Variants in WRAP73 observed in about 807,000 individuals in gnomAD.
WRAP73 encodes the protein WD repeat containing, antisense to TP73, also known as WD repeat-containing protein WRAP73.
A neutral mutation model predicts 59.6 loss-of-function variants in WRAP73; 55 were observed. The ratio of observed to expected loss-of-function variants is 0.92; its 90% CI spans 0.74 to 1.15. The LOEUF (loss-of-function observed/expected upper bound fraction) is 1.15, where lower values mean the gene tolerates loss of function less well. Ranked by LOEUF, WRAP73 falls within the 50% of genes most tolerant of loss-of-function variation. WRAP73 has a pLI of 0.00. For missense variants in WRAP73, 592 were observed against 608.1 expected, an observed-to-expected ratio of 0.97 and a Z score of 0.28; for synonymous variants, 265 against 258.2, an observed-to-expected ratio of 1.03 and a Z score of -0.25.
chr1:3,632,265 G>A lies in WRAP73; in HGVS notation c.996C>T (p.Gly332=). Residue 332 remains glycine, a synonymous_variant, in exon 10 of 12, where the codon GGC becomes GGT. Transcript: ENST00000270708. ...CAGGACTAAATGCCAGCATTCCTAT[G>A]CCGATTTTCGGGTTTGCTCTGTCGG... ...PVTDRANPKI[G]IGMLAFSPDS... is the part of the protein sequence containing the mutation. 1 of 1,614,156 alleles carries A rather than the reference G, an allele frequency of 6.2e-7. No individual in the cohort carries two copies. Among genetic ancestry groups the A allele is most frequent in the Non-Finnish European group, 8.5e-7 (1 of 1,180,018 alleles).
At chr1:3,649,697 C>A (rs1162560028) in intron 1 of WRAP73, among the ~76,000 whole-genome samples, 1 of 151,902 alleles carries the variant, frequency 6.6e-6, no homozygotes, top group Non-Finnish European at 1.5e-5. Context: ...GCTTGGGGCA[C>A]CTCCCCGGGC....
Position 3,646,770 on chromosome 1 carries a change from C to A in WRAP73, c.235G>T (p.Glu79Ter). 1 of 1,612,310 alleles carries A rather than the reference C, an allele frequency of 6.2e-7. No homozygotes were observed. Among genetic ancestry groups the A allele is most frequent in the South Asian group, 1.1e-5 (1 of 90,946 alleles). Reference sequence around the variant, plus strand: ...ATTTTGCAGTGCCATTCGGGCTGCTCTAAAGACCAGACCTGGATTGAGAGA... The same window carrying A: ...ATTTTGCAGTGCCATTCGGGCTGCTATAAAGACCAGACCTGGATTGAGAGA... ...KRGLVQVWSLEQPEWHCKIDE... is the reference protein window; with the variant it reads ...KRGLVQVWSL The change falls in exon 3 of 12, where the codon GAG (glutamate) becomes TAG (stop). Residue 79 changes from glutamate to a stop codon, truncating the protein, a stop_gained. Transcript: ENST00000270708. LOFTEE classifies it high-confidence loss of function. This position sits in a 1 kb window ranked among gnomAD's most constrained non-coding sequence, Gnocchi z 5.1.
chr1:3,649,695 C>T (rs1644722573), intron 1 of WRAP73, among the ~76,000 whole-genome samples: 1 of 151,210 alleles, frequency 6.6e-6, no homozygotes, highest in Non-Finnish European at 1.5e-5. Flanking sequence ...CTGCTTGGGG[C>T]ACCTCCCCGG....
chr1:3,633,544 A>T, intron 8 of WRAP73, 41 bp from the exon 9 acceptor site: 1 of 1,493,158 alleles, frequency 6.7e-7, no homozygotes, highest in Non-Finnish European at 9.0e-7. Flanking sequence ...CAGGACAGGG[A>T]CCCGGAAGCC....
intron 1 of WRAP73, among the ~76,000 whole-genome samples, chr1:3,648,837 C>A (rs1437485890): frequency 1.3e-5 from 2 of 152,184 alleles, no homozygotes; most frequent in Admixed American, 1.3e-4. Flanking sequence ...TGAAAATATA[C>A]CAAGGCTGAG....
intron 3 of WRAP73, among the ~76,000 whole-genome samples, chr1:3,643,082 G>A (rs187063707): frequency 6.0e-4 from 91 of 152,376 alleles, no homozygotes; most frequent in Middle Eastern, 6.8e-3. Flanking sequence ...CAGCCACACC[G>A]TCCGTGGTGA....
Position 3,635,934 on chromosome 1 carries a change from A to G in WRAP73, c.603+10T>C, listed in dbSNP as rs754142057. The G allele has an allele frequency of 1.9e-6, 3 of 1,612,510 alleles. No homozygotes were observed. Among genetic ancestry groups the G allele is most frequent in the Non-Finnish European group, 2.5e-6 (3 of 1,178,876 alleles). ...TCGAAAGCAAACATGTCACCTGGTCATCTTCATACCTCCAAGCAGGTGTCC... is the reference window on the plus strand; with the variant it reads ...TCGAAAGCAAACATGTCACCTGGTCGTCTTCATACCTCCAAGCAGGTGTCC... On this transcript the variant is annotated intron_variant, in intron 6 of 11. Coordinates refer to ENST00000270708, the MANE Select transcript of WRAP73 (RefSeq NM_017818.4).
chr1:3,633,289 G>A (rs1644556460), intron 9 of WRAP73, 109 bp downstream of exon 9: 1 of 1,115,514 alleles, frequency 9.0e-7, no homozygotes, highest in Non-Finnish European at 1.3e-6. Context: ...AGCATGGAAG[G>A]GAAAAAAAGT....
In WRAP73 at chr1:3,635,799, T is replaced by A. The variant is rs1570297046; in HGVS notation, c.603+145A>T. On this transcript the variant is annotated intron_variant, in intron 6 of 11. Transcript: ENST00000270708. ...TCACACCACTGCACTCCAGCCTGGG[T>A]GACAGAGCAAGACCCTGTCTTTTAA... 4 of 706,878 alleles carry A rather than the reference T, an allele frequency of 5.7e-6. No homozygotes were observed. In the East Asian group the frequency reaches 1.1e-4, roughly 20 times the overall value. 43.8% of individuals were successfully genotyped at this position (706,878 alleles called of 1,614,324 possible). A position where few individuals can be genotyped will look rare whatever the true frequency, so the allele number is the denominator to read the frequency against.
rs900587541 is a variant in WRAP73 at position 3,633,651 on chromosome 1, G to A, written c.817-148C>T. On this transcript the variant is annotated intron_variant, in intron 8 of 11. Transcript: ENST00000270708. Reference sequence around the variant, plus strand: ...CTGCCACCGGGAGAGACGGAAGCACGAACCCCGCAGTCCCGAGAGCTGAGA... The same window carrying A: ...CTGCCACCGGGAGAGACGGAAGCACAAACCCCGCAGTCCCGAGAGCTGAGA... 32 of 631,726 alleles carry A rather than the reference G, an allele frequency of 5.1e-5. No homozygotes were observed. In the Middle Eastern group the frequency reaches 2.2e-3, roughly 43 times the overall value. The allele number at this position is 631,726 out of a possible 1,614,324, so 39.1% of individuals were successfully genotyped here.
intron 5 of WRAP73, chr1:3,636,553 A>G: frequency 2.9e-6 from 1 of 340,922 alleles, no homozygotes; most frequent in East Asian, 8.1e-5. Context: ...ACAGCATTCC[A>G]GAGGTTGCTC....
intron 1 of WRAP73, among the ~76,000 whole-genome samples, chr1:3,649,239 A>G (rs1242308116): frequency 1.3e-5 from 2 of 152,240 alleles, no homozygotes; most frequent in Non-Finnish European, 2.9e-5. Flanking sequence ...CTGTGATTTA[A>G]GCACCCTTCT....
intron 3 of WRAP73, among the ~76,000 whole-genome samples, chr1:3,643,491 A>C (rs1456625673): frequency 6.6e-6 from 1 of 152,240 alleles, no homozygotes; most frequent in African/African-American, 2.4e-5. Context: ...AAAATGCAAG[A>C]GGCAGGGACG....
Position 3,644,827 on chromosome 1 carries a change from A to G in WRAP73, c.339+1839T>C, listed in dbSNP as rs1198837829. On this transcript the variant is annotated intron_variant, in intron 3 of 11. Transcript: ENST00000270708. ...TTTTATCCATCTTTTAAGGTTTCTA[A>G]ACTCTATAGATGGTAGTTTTCCTTC... 3.3e-5 allele frequency among the ~76,000 whole-genome samples: 5 copies of G among 152,184 alleles called. No individual in the cohort carries two copies. In the South Asian group the frequency reaches 1.0e-3, roughly 32 times the overall value.
At chr1:3,641,429 C>T (rs12084349) in intron 3 of WRAP73, among the ~76,000 whole-genome samples, 74 of 152,282 alleles carry the variant, frequency 4.9e-4, no homozygotes, top group African/African-American at 1.7e-3. Context: ...GATGGAGGAA[C>T]GGGCCACTGA....
chr1:3,632,740 G>C, intron 9 of WRAP73: 1 of 290,088 alleles, frequency 3.4e-6, no homozygotes, highest in Non-Finnish European at 6.7e-6. Flanking sequence ...TCCGGCTGTG[G>C]AAGAACCATC....
At chr1:3,647,630 T>C (rs1467769289) in intron 1 of WRAP73, 70 bp from the exon 2 acceptor site, 26 of 1,538,338 alleles carry the variant, frequency 1.7e-5, no homozygotes, top group Non-Finnish European at 2.1e-5. Context: ...GGAATGCTAC[T>C]GCCCTGGCCT....
intron 6 of WRAP73, chr1:3,635,716 G>A: frequency 1.9e-6 from 1 of 531,136 alleles, no homozygotes; most frequent in Non-Finnish European, 3.3e-6. Flanking sequence ...AGCTACTTGG[G>A]AGGCTGAGGT....
chr1:3,644,953 A>AGC, intron 3 of WRAP73, among the ~76,000 whole-genome samples: 1 of 152,244 alleles, frequency 6.6e-6, no homozygotes, highest in Non-Finnish European at 1.5e-5. Flanking sequence ...GAAGACTGTT[A>AGC]GACACGGCTG....
Sources: gnomAD v4.1 joint callset for allele counts (sites outside exome capture counted in the v4.1 genomes callset) on GRCh38, gnomAD v4.1.1 for gene constraint, Gnocchi (gnomAD v3.1) non-coding constraint, MANE v1.5 for transcripts, NCBI Gene and HGNC (gene_info 2026-07-23, HGNC 2026-07-21) for gene names.